Variants in RBFOX1 observed in about 807,000 individuals in gnomAD.
The protein encoded by RBFOX1 is RNA binding fox-1 homolog 1.
Under a neutral mutation model 57.7 loss-of-function variants are expected in RBFOX1, and 8 were observed. The observed-to-expected ratio is 0.14, with a 90% confidence interval of 0.08 to 0.25. RBFOX1 has a LOEUF of 0.25. RBFOX1 is among the 10% of genes least tolerant of loss of function. The probability of loss-of-function intolerance (pLI) is 1.00; values close to 1 mark genes in which losing one functional copy is unlikely to be tolerated. For missense variants in RBFOX1, 611 were observed against 548.5 expected (o/e 1.11, Z -1.14); for synonymous variants, 326 against 222.4 (o/e 1.47, Z -4.15).
chr16:7,014,399 G>T (rs977948044), intron 3 of RBFOX1, among the ~76,000 whole-genome samples: 33 of 151,334 alleles, frequency 2.2e-4, no homozygotes, highest in Middle Eastern at 6.8e-3. Context: ...TTATTTTTTT[G>T]TTTTTATTTT....
At chr16:6,985,010 G>A (rs974027590) in intron 3 of RBFOX1, among the ~76,000 whole-genome samples, 2 of 149,926 alleles carry the variant, frequency 1.3e-5, no homozygotes, top group Admixed American at 6.6e-5. Context: ...GAAAAACCCA[G>A]GGGGAAATAT....
At chr16:7,520,788 G>A (rs773112160) in intron 5 of RBFOX1, among the ~76,000 whole-genome samples, 10 of 152,198 alleles carry the variant, frequency 6.6e-5, no homozygotes, top group Non-Finnish European at 1.0e-4. Flanking sequence ...ACAATTAATA[G>A]TAGTAATGCC....
At chr16:6,584,441 C>A (rs9889073) in intron 2 of RBFOX1, among the ~76,000 whole-genome samples, 3 of 150,562 alleles carry the variant, frequency 2.0e-5, no homozygotes, top group Non-Finnish European at 4.4e-5. Context: ...GATCTTAGCA[C>A]ACTCCAACCT....
chr16:6,957,277 G>T (rs867504481), intron 3 of RBFOX1, among the ~76,000 whole-genome samples: 4 of 151,764 alleles, frequency 2.6e-5, no homozygotes, highest in African/African-American at 7.3e-5. Context: ...GACTACAGGT[G>T]CCCACCACTG....
At chr16:7,375,747 T>C (rs551674980) in intron 4 of RBFOX1, among the ~76,000 whole-genome samples, 1 of 152,296 alleles carries the variant, frequency 6.6e-6, no homozygotes, top group East Asian at 1.9e-4. Context: ...ATAAAATGAA[T>C]GATTTTTCTG....
intron 3 of RBFOX1, among the ~76,000 whole-genome samples, chr16:6,810,751 G>A (rs11861921): frequency 0.45 from 68,088 of 151,812 alleles, 15,727 homozygotes; most frequent in Non-Finnish European, 0.5. Context: ...GCAAGAGAAC[G>A]GAGCAAGAGC....
chr16:7,001,305 T>G lies in RBFOX1; in HGVS notation c.-15-50752T>G, dbSNP rs905926807. 1.1e-4 allele frequency among the ~76,000 whole-genome samples: 16 copies of G among 152,216 alleles called. 2 individuals are homozygous for G. The highest frequency in any genetic ancestry group is 1.4e-4 in the African/African-American group (6 of 41,542). ...CTTGCTTTGTGAGGTGACAAGGTGT[T>G]CCTGGTCAACTTATGTATTTCCTAC... is the stretch of plus-strand genomic sequence containing the variant. On this transcript the variant is annotated intron_variant, in intron 3 of 15. Transcript: ENST00000550418.
At chr16:6,335,950 G>C (rs1267655429) in intron 2 of RBFOX1, among the ~76,000 whole-genome samples, 1 of 150,234 alleles carries the variant, frequency 6.7e-6, no homozygotes, top group East Asian at 2.0e-4. Flanking sequence ...TAGGCAGTGG[G>C]TGAGAGACGC....
intron 4 of RBFOX1, among the ~76,000 whole-genome samples, chr16:7,113,097 A>G (rs1455622153): frequency 6.6e-6 from 1 of 152,196 alleles, no homozygotes; most frequent in Non-Finnish European, 1.5e-5. Context: ...CTTCAGGCAC[A>G]TGTTGAACCA....
intron 3 of RBFOX1, among the ~76,000 whole-genome samples, chr16:6,855,049 G>A (rs1222402489): frequency 6.6e-6 from 1 of 151,992 alleles, no homozygotes; most frequent in African/African-American, 2.4e-5. Context: ...GTGGGTGGGA[G>A]GAGTAGGTCC....
chr16:5,739,648 C>G (rs58188995), intron 3 of RBFOX1, among the ~76,000 whole-genome samples: 4 of 152,100 alleles, frequency 2.6e-5, no homozygotes, highest in East Asian at 3.9e-4. Context: ...AAAAAACTTA[C>G]GCTTTGGCAT....
intron 4 of RBFOX1, among the ~76,000 whole-genome samples, chr16:7,296,505 C>T (rs2141830977): frequency 6.6e-6 from 1 of 152,044 alleles, no homozygotes; most frequent in East Asian, 1.9e-4. Context: ...AAGGGTGCTA[C>T]CATTGGCCCC....
In RBFOX1 at chr16:6,532,523, C is replaced by G. The variant is rs149275474; in HGVS notation, c.-63-122080C>G. Among the ~76,000 whole-genome samples, 131 of 152,292 alleles carry G rather than the reference C, an allele frequency of 8.6e-4. 5 individuals are homozygous for G. The East Asian group carries it at 0.019, about 22-fold the overall frequency. Reference sequence around the variant, plus strand: ...ACATTGTTTCTATTAGGGCTGTGCTCCTTCCTCTGTACCCTTTAAATATTC... The same window carrying G: ...ACATTGTTTCTATTAGGGCTGTGCTGCTTCCTCTGTACCCTTTAAATATTC... On this transcript the variant is annotated intron_variant, in intron 2 of 15. Coordinates refer to ENST00000550418, the MANE Select transcript of RBFOX1 (RefSeq NM_018723.4).
chr16:6,084,372 C>T (rs1451296223), intron 1 of RBFOX1, among the ~76,000 whole-genome samples: 2 of 152,036 alleles, frequency 1.3e-5, no homozygotes, highest in Non-Finnish European at 1.5e-5. Context: ...GCCTCCCAGG[C>T]AGCTGGGACC....
At chr16:7,088,539 T>C (rs1240466875) in intron 4 of RBFOX1, among the ~76,000 whole-genome samples, 1 of 61,476 alleles carries the variant, frequency 1.6e-5, no homozygotes, top group Non-Finnish European at 5.2e-5. Flanking sequence ...TAGTTGTTTT[T>C]TGTTGTTTTT....
At chr16:6,471,674 A>G (rs944286476) in intron 2 of RBFOX1, among the ~76,000 whole-genome samples, 8 of 151,790 alleles carry the variant, frequency 5.3e-5, no homozygotes, top group African/African-American at 1.9e-4. Context: ...CCCACCAGCT[A>G]TGCTTCATGA....
In RBFOX1 at chr16:6,761,500, C is replaced by CTTTTTTTTTTTTTTTTTTTT. The variant is rs869243278; in HGVS notation, c.-16+106856_-16+106875dup. Reference sequence around the variant, plus strand: ...AATAGTTTTCCTTTCTCCCAATCTCCTTTTTTTTTTTTTTTTTTTTTTTTT... The same window carrying CTTTTTTTTTTTTTTTTTTTT: ...AATAGTTTTCCTTTCTCCCAATCTCCTTTTTTTTTTTTTTTTTTTTTTTTTTTTTTTTTTTTTTTTTTTTT... On this transcript the variant is annotated intron_variant, in intron 3 of 15. Transcript: ENST00000550418. Among the ~76,000 whole-genome samples, 3 of 60,128 alleles carry CTTTTTTTTTTTTTTTTTTTT rather than the reference C, an allele frequency of 5.0e-5. 1 individual carries two copies. Among genetic ancestry groups the CTTTTTTTTTTTTTTTTTTTT allele is most frequent in the African/African-American group, 1.4e-4 (2 of 14,406 alleles). The allele number at this position is 60,128 out of a possible 152,430, so 39.4% of individuals were successfully genotyped here. A position where few individuals can be genotyped will look rare whatever the true frequency, so the allele number is the denominator to read the frequency against.
chr16:5,934,984 A>G (rs1381920623), intron 4 of RBFOX1, among the ~76,000 whole-genome samples: 1 of 152,200 alleles, frequency 6.6e-6, no homozygotes. Flanking sequence ...CCCCAGAGAG[A>G]TCAGTCCTGC....
At chr16:5,838,744 A>G (rs2056539136) in intron 3 of RBFOX1, 1 of 152,334 alleles carries the variant, frequency 6.6e-6, no homozygotes, top group South Asian at 2.1e-4. Context: ...CAGTTCTAAT[A>G]TTGGTGACAG....
Sources: gnomAD v4.1 joint callset for allele counts (sites outside exome capture counted in the v4.1 genomes callset) on GRCh38, gnomAD v4.1.1 for gene constraint, MANE v1.5 for transcripts, NCBI Gene and HGNC (gene_info 2026-07-23, HGNC 2026-07-21) for gene names.